The following PPIP5K2 variants were observed in gnomAD, a reference collection of about 807,000 sequenced individuals.
PPIP5K2 encodes the protein inositol hexakisphosphate and diphosphoinositol-pentakisphosphate kinase 2.
In PPIP5K2, 105 loss-of-function variants were observed where a neutral mutation model predicts 154.6. The observed-to-expected ratio is 0.68, with a 90% CI of 0.58 to 0.80. The LOEUF (loss-of-function observed/expected upper bound fraction) is 0.80. Among genes scored for constraint, PPIP5K2 ranks in the 30% least tolerant of loss-of-function variants. PPIP5K2 has a pLI of 0.00. For synonymous variants in PPIP5K2, 480 were observed against 490.3 expected, an observed-to-expected ratio of 0.98 and a Z score of 0.28; for missense variants, 992 against 1,504.6, an observed-to-expected ratio of 0.66 and a Z score of 5.64.
chr5:103,160,667 T>A (rs1796079756), intron 17 of PPIP5K2, among the ~76,000 whole-genome samples: 1 of 152,234 alleles, frequency 6.6e-6, no homozygotes, highest in Admixed American at 6.5e-5. Flanking sequence ...AAACCATTCT[T>A]AGCTCATGGC....
intron 13 of PPIP5K2, among the ~76,000 whole-genome samples, chr5:103,155,374 C>T (rs1294715197): frequency 1.0e-5 from 1 of 99,862 alleles, no homozygotes; most frequent in African/African-American, 3.3e-5. Context: ...TGTGTTTTTA[C>T]ATATTTCTGT....
At position 103,173,199 on chromosome 5, in the gene PPIP5K2, C is replaced by A. The variant is rs1798223630; in HGVS notation, c.2331C>A (p.Gly777=). 1.2e-6 allele frequency: 2 copies of A among 1,610,544 alleles called. No homozygotes were observed. The highest frequency in any genetic ancestry group is 1.7e-6 in the Non-Finnish European group (2 of 1,177,898). ...TKAEKLEIAK[G]YCTPLVRKIR... Reference sequence around the variant, plus strand: ...CTGAAAAACTGGAGATTGCCAAAGGCTACTGTACTCCTCTGGTTAGAAAAA... The same window carrying A: ...CTGAAAAACTGGAGATTGCCAAAGGATACTGTACTCCTCTGGTTAGAAAAA... Residue 777 remains glycine, a synonymous_variant, in exon 20 of 31, where the codon GGC becomes GGA. Coordinates refer to ENST00000358359, the MANE Select transcript of PPIP5K2 (RefSeq NM_001276277.3).
At chr5:103,138,804 A>G (rs1358144698) in intron 5 of PPIP5K2, among the ~76,000 whole-genome samples, 1 of 152,252 alleles carries the variant, frequency 6.6e-6, no homozygotes. Flanking sequence ...ATTAAGTATT[A>G]GAAACTTCAT....
At chr5:103,166,563 G>A (rs747371293) in intron 17 of PPIP5K2, among the ~76,000 whole-genome samples, 7 of 151,966 alleles carry the variant, frequency 4.6e-5, no homozygotes, top group Non-Finnish European at 1.0e-4. Flanking sequence ...TAAATGGCTG[G>A]TATCATCGCT....
At chr5:103,161,149 C>G (rs868973495) in intron 17 of PPIP5K2, among the ~76,000 whole-genome samples, 1 of 150,542 alleles carries the variant, frequency 6.6e-6, no homozygotes, top group South Asian at 2.1e-4. Context: ...ATGATGTTCC[C>G]CTTCCTGTGT....
intron 2 of PPIP5K2, among the ~76,000 whole-genome samples, chr5:103,132,862 G>A (rs540708125): frequency 2.0e-5 from 3 of 152,236 alleles, no homozygotes; most frequent in Admixed American, 6.5e-5. Context: ...GAGCTGTTAC[G>A]AGGATGCCAG....
chr5:103,184,736 C>G lies in PPIP5K2; in HGVS notation c.3161C>G (p.Pro1054Arg), dbSNP rs1554224333. 1 of 1,611,144 alleles carries G rather than the reference C, an allele frequency of 6.2e-7. No individual in the cohort carries two copies. Among genetic ancestry groups the G allele is most frequent in the Admixed American group, 1.7e-5 (1 of 59,996 alleles). The change falls in exon 26 of 31, where the codon CCT (proline) becomes CGT (arginine). Residue 1054 changes from proline to arginine, a missense_variant. By Grantham distance (103) the Pro-to-Arg change is moderately radical (BLOSUM62 -2). Transcript: ENST00000358359. ...ACTCTTGTGGAACAGAAGCAGAATC[C>G]TACTGTAGGTATGTGGTGTAAAGGA... is the stretch of plus-strand genomic sequence containing the variant. ...PRTLVEQKQN[P>R]TVGSHCAGLF...
intron 5 of PPIP5K2, among the ~76,000 whole-genome samples, chr5:103,144,183 A>G (rs1367708717): frequency 2.0e-5 from 3 of 152,154 alleles, no homozygotes; most frequent in African/African-American, 4.8e-5. Context: ...CCCATTTACA[A>G]TAGCTACAAA....
intron 19 of PPIP5K2, among the ~76,000 whole-genome samples, chr5:103,168,497 A>C (rs1206760078): frequency 1.3e-5 from 2 of 151,860 alleles, no homozygotes; most frequent in East Asian, 3.9e-4. Flanking sequence ...TAGTTTGACT[A>C]CAGTGACTTT....
intron 17 of PPIP5K2, among the ~76,000 whole-genome samples, chr5:103,161,401 A>G (rs868984462): frequency 6.6e-6 from 1 of 152,150 alleles, no homozygotes; most frequent in African/African-American, 2.4e-5. Flanking sequence ...GTTATTGTGA[A>G]TGGTGCCACA....
At chr5:103,125,234 T>C (rs1035715964) in intron 1 of PPIP5K2, among the ~76,000 whole-genome samples, 7 of 152,232 alleles carry the variant, frequency 4.6e-5, no homozygotes, top group Admixed American at 3.9e-4. Flanking sequence ...ATTTAAGTGA[T>C]GTGGAGTATA....
chr5:103,180,819 C>T (rs1399014045), intron 24 of PPIP5K2, among the ~76,000 whole-genome samples: 1 of 146,786 alleles, frequency 6.8e-6, no homozygotes, highest in African/African-American at 2.5e-5. Flanking sequence ...CACTGCACTC[C>T]AGCCTGGGCA....
rs1803698646 is a variant in PPIP5K2, at chr5:103,209,665, G to C, written c.*8031G>C. 6.6e-6 allele frequency: 1 copy of C among 152,092 alleles called. No individual in the cohort carries two copies. The highest frequency in any genetic ancestry group is 1.5e-5 in the Non-Finnish European group (1 of 68,000). The allele number at this position is 152,092 out of a possible 1,614,324, so 9.4% of individuals were successfully genotyped here. A position where few individuals can be genotyped will look rare whatever the true frequency, so the allele number is the denominator to read the frequency against. ...GGAAAAATGAATATGCCTTCAGAAAGTTTTTTGCTGCTTTTAAAAGCCATA... is the reference window on the plus strand; with the variant it reads ...GGAAAAATGAATATGCCTTCAGAAACTTTTTTGCTGCTTTTAAAAGCCATA... On this transcript the variant is annotated 3_prime_UTR_variant, in exon 31 of 31. Transcript: ENST00000358359.
At chr5:103,194,641 G>T in intron 29 of PPIP5K2, 1 of 229,634 alleles carries the variant, frequency 4.4e-6, no homozygotes, top group East Asian at 1.0e-4. Context: ...AAAGTCTGTC[G>T]CTCTATTCTT....
intron 17 of PPIP5K2, among the ~76,000 whole-genome samples, chr5:103,163,574 C>A (rs1796681919): frequency 6.6e-6 from 1 of 151,604 alleles, no homozygotes; most frequent in Non-Finnish European, 1.5e-5. Flanking sequence ...ATAGGTAGGA[C>A]CCTCAAAATA....
At chr5:103,194,381 TGG>T (rs1216420963) in intron 29 of PPIP5K2, among the ~76,000 whole-genome samples, 1 of 152,174 alleles carries the variant, frequency 6.6e-6, no homozygotes, top group Non-Finnish European at 1.5e-5. Flanking sequence ...CTTGAACTCC[TGG>T]GGTCAAGCGA....
At chr5:103,189,248 A>G in intron 28 of PPIP5K2, 2 of 1,490,850 alleles carry the variant, frequency 1.3e-6, no homozygotes, top group Non-Finnish European at 1.8e-6. Context: ...TAGCTTCTAA[A>G]CATGTCAGCA....
intron 3 of PPIP5K2, among the ~76,000 whole-genome samples, chr5:103,133,898 T>C (rs1791051182): frequency 1.3e-5 from 2 of 152,126 alleles, no homozygotes; most frequent in Admixed American, 1.3e-4. Context: ...GAAGTTTTTT[T>C]CCCCTACCAT....
Position 103,167,108 on chromosome 5 carries a change from G to GTA in PPIP5K2, c.1921-61_1921-60dup, listed in dbSNP as rs545632365. 1.5e-3 allele frequency: 1,753 copies of GTA among 1,184,332 alleles called. 1 individual carries two copies. The highest frequency in any genetic ancestry group is 1.8e-3 in the Non-Finnish European group (1,601 of 888,448). 73.4% of individuals were successfully genotyped at this position (1,184,332 alleles called of 1,614,324 possible). A position where few individuals can be genotyped will look rare whatever the true frequency, so the allele number is the denominator to read the frequency against. On this transcript the variant is annotated intron_variant, in intron 17 of 30. Coordinates refer to ENST00000358359, the MANE Select transcript of PPIP5K2 (RefSeq NM_001276277.3). ...TATTCTCCAGCTACTGGAAAATTTT[G>GTA]TATATATATATTGTTCTCTTAGACA...
Sources: gnomAD v4.1 joint callset for allele counts (sites outside exome capture counted in the v4.1 genomes callset) on GRCh38, gnomAD v4.1.1 for gene constraint, MANE v1.5 for transcripts, NCBI Gene and HGNC (gene_info 2026-07-23, HGNC 2026-07-21) for gene names.